NLGN1: variants seen among roughly 807,000 people sequenced by gnomAD.
The protein encoded by NLGN1 is neuroligin-1.
Under a neutral mutation model 65.5 loss-of-function variants are expected in NLGN1, and 12 were observed. The ratio of observed to expected loss-of-function variants is 0.18; its 90% confidence interval spans 0.12 to 0.30. NLGN1 has a LOEUF of 0.30. Ranked by LOEUF, NLGN1 falls within the 10% of genes least tolerant of loss-of-function variation. The pLI, the probability that NLGN1 is intolerant of heterozygous loss-of-function variation, is 1.00. For synonymous variants in NLGN1, 350 were observed against 359.5 expected, an observed-to-expected ratio of 0.97 and a Z score of 0.30; for missense variants, 750 against 1,007.1, an observed-to-expected ratio of 0.74 and a Z score of 3.46.
chr3:173,454,920 A>G (rs1484472354), intron 2 of NLGN1, among the ~76,000 whole-genome samples: 1 of 152,170 alleles, frequency 6.6e-6, no homozygotes, highest in East Asian at 1.9e-4. Context: ...GTGAGAGGGC[A>G]TTGTAGGGTT....
intron 2 of NLGN1, among the ~76,000 whole-genome samples, chr3:173,584,068 T>C (rs1184938665): frequency 2.1e-5 from 3 of 141,252 alleles, no homozygotes; most frequent in African/African-American, 8.5e-5. Context: ...GAAATTTTTG[T>C]AGACAAAAAA....
intron 4 of NLGN1, among the ~76,000 whole-genome samples, chr3:173,958,879 C>G (rs2152343212): frequency 6.6e-6 from 1 of 152,308 alleles, no homozygotes; most frequent in African/African-American, 2.4e-5. Context: ...CTGGAGGGGG[C>G]CTAGGCAGCA....
At chr3:173,663,133 TTATCATTTA>T (rs1427296464) in intron 3 of NLGN1, among the ~76,000 whole-genome samples, 3 of 152,032 alleles carry the variant, frequency 2.0e-5, no homozygotes, top group African/African-American at 7.2e-5. Flanking sequence ...TATCCTGACT[TTATCATTTA>T]ATAGTTATAT....
intron 4 of NLGN1, among the ~76,000 whole-genome samples, chr3:173,832,401 TGG>T (rs1722774392): frequency 6.6e-6 from 1 of 152,260 alleles, no homozygotes; most frequent in Admixed American, 6.5e-5. Context: ...TTATTGTTTT[TGG>T]ATAATACAGG....
intron 3 of NLGN1, among the ~76,000 whole-genome samples, chr3:173,802,781 T>G (rs1715721319): frequency 6.6e-6 from 1 of 151,968 alleles, no homozygotes; most frequent in Admixed American, 6.6e-5. Context: ...TCTCAGCCAC[T>G]GAATTGCAAG....
chr3:173,457,378 C>G (rs962672536), intron 2 of NLGN1, among the ~76,000 whole-genome samples: 3 of 151,886 alleles, frequency 2.0e-5, no homozygotes, highest in African/African-American at 7.3e-5. Context: ...GGGTGATATT[C>G]AAAGAGGCTA....
intron 2 of NLGN1, among the ~76,000 whole-genome samples, chr3:173,464,167 C>T (rs527413114): frequency 1.8e-4 from 27 of 152,046 alleles, no homozygotes; most frequent in Non-Finnish European, 3.5e-4. Context: ...ATAGCATTTA[C>T]TGAAAGTCTA....
chr3:173,682,859 T>C (rs73880543), intron 3 of NLGN1, among the ~76,000 whole-genome samples: 5,414 of 152,206 alleles, frequency 0.036, 315 homozygotes, highest in African/African-American at 0.12. Flanking sequence ...AAATCATGGA[T>C]GTTGAAACCT....
chr3:173,564,399 CAG>C (rs1577297482), intron 2 of NLGN1, among the ~76,000 whole-genome samples: 1 of 152,208 alleles, frequency 6.6e-6, no homozygotes, highest in African/African-American at 2.4e-5. Flanking sequence ...TTAAGTAGAT[CAG>C]AGTTTGTTAC....
rs568651554 is a variant in NLGN1, at chr3:173,778,917, C to T, written c.494-28763C>T. On this transcript the variant is annotated intron_variant, in intron 3 of 6. Transcript: ENST00000457714. The stretch of plus-strand genomic sequence containing the variant: ...ACTTACAGTGGTAAAATTTTTCTTA[C>T]AGAGCAAATGTAAATACAAAGTTAT... 2.6e-5 allele frequency among the ~76,000 whole-genome samples: 4 copies of T among 151,292 alleles called. No individual in the cohort carries two copies. The East Asian group carries it at 7.8e-4, about 29-fold the overall frequency.
At chr3:173,746,571 G>A (rs764739861) in intron 3 of NLGN1, among the ~76,000 whole-genome samples, 20 of 151,866 alleles carry the variant, frequency 1.3e-4, no homozygotes, top group African/African-American at 3.4e-4. Flanking sequence ...AGCCCTTCAC[G>A]AAAACCATTC....
At chr3:173,804,847 T>G (rs1290217681) in intron 3 of NLGN1, among the ~76,000 whole-genome samples, 1 of 151,882 alleles carries the variant, frequency 6.6e-6, no homozygotes. Flanking sequence ...GCCAACATAG[T>G]GAAACCCCAT....
intron 3 of NLGN1, among the ~76,000 whole-genome samples, chr3:173,739,030 AAAC>A (rs1774208574): frequency 6.6e-6 from 1 of 152,074 alleles, no homozygotes; most frequent in Non-Finnish European, 1.5e-5. Context: ...AGTATGACAT[AAAC>A]CTTGAGTTGT....
intron 4 of NLGN1, among the ~76,000 whole-genome samples, chr3:173,873,727 C>T (rs915363484): frequency 1.3e-5 from 2 of 152,142 alleles, no homozygotes; most frequent in East Asian, 1.9e-4. Flanking sequence ...CATCTCATTT[C>T]GGATATGGTA....
chr3:174,173,852 G>A lies in NLGN1; in HGVS notation c.647-101463G>A, dbSNP rs1255961270. On this transcript the variant is annotated intron_variant, in intron 4 of 6. Transcript: ENST00000457714. ...TTCTTTTTAATTTCCAAAGCTTATT[G>A]GGGAACAGGTGGTGTTTGGTTACAT... 4.6e-5 allele frequency among the ~76,000 whole-genome samples: 7 copies of A among 151,664 alleles called. No individual in the cohort carries two copies. The East Asian group carries it at 1.4e-3, about 29-fold the overall frequency.
At chr3:173,470,727 C>T (rs989491277) in intron 2 of NLGN1, among the ~76,000 whole-genome samples, 2 of 152,110 alleles carry the variant, frequency 1.3e-5, no homozygotes, top group Non-Finnish European at 2.9e-5. Flanking sequence ...ACAGTTTTAG[C>T]AAGACTCAGC....
intron 4 of NLGN1, among the ~76,000 whole-genome samples, chr3:174,223,479 A>G (rs1453679647): frequency 6.6e-6 from 1 of 152,026 alleles, no homozygotes; most frequent in Non-Finnish European, 1.5e-5. Flanking sequence ...TCTGTTGCTT[A>G]ATATTGGTAT....
At chr3:173,772,819 A>G (rs1779772245) in intron 3 of NLGN1, among the ~76,000 whole-genome samples, 1 of 151,838 alleles carries the variant, frequency 6.6e-6, no homozygotes, top group Admixed American at 6.6e-5. Context: ...TGAGTGTATT[A>G]TTTTGTTCTT....
At chr3:173,924,628 A>AT (rs1160028718) in intron 4 of NLGN1, among the ~76,000 whole-genome samples, 3 of 151,896 alleles carry the variant, frequency 2.0e-5, no homozygotes, top group African/African-American at 7.3e-5. Flanking sequence ...GTCTCAAAAA[A>AT]AAAAATAAAA....
Sources: gnomAD v4.1 joint callset for allele counts (sites outside exome capture counted in the v4.1 genomes callset) on GRCh38, gnomAD v4.1.1 for gene constraint, MANE v1.5 for transcripts, NCBI Gene and HGNC (gene_info 2026-07-23, HGNC 2026-07-21) for gene names.